PDE7B: variants seen among roughly 807,000 people sequenced by gnomAD.
The protein encoded by PDE7B is 3',5'-cyclic-AMP phosphodiesterase 7B.
In PDE7B, 29 loss-of-function variants were observed where a neutral mutation model predicts 56.2. The ratio of observed to expected loss-of-function variants is 0.52; its 90% CI spans 0.38 to 0.70. The LOEUF (loss-of-function observed/expected upper bound fraction) is 0.70. Ranked by LOEUF, PDE7B falls within the 30% of genes least tolerant of loss-of-function variation. PDE7B has a pLI of 0.00. For synonymous variants in PDE7B, 197 were observed against 196.9 expected, an observed-to-expected ratio of 1.00 and a Z score of 0.00; for missense variants, 490 against 565.0, an observed-to-expected ratio of 0.87 and a Z score of 1.35.
At chr6:135,898,327 G>A (rs1230333071) in intron 1 of PDE7B, among the ~76,000 whole-genome samples, 2 of 152,034 alleles carry the variant, frequency 1.3e-5, no homozygotes, top group Non-Finnish European at 2.9e-5. Context: ...ATACATGTTT[G>A]GTCACCTAAC....
At chr6:136,189,026 GACA>G (rs1180516189) in intron 12 of PDE7B, among the ~76,000 whole-genome samples, 1 of 152,100 alleles carries the variant, frequency 6.6e-6, no homozygotes, top group Non-Finnish European at 1.5e-5. Flanking sequence ...TAGCCCCCAA[GACA>G]ACAATTTTTC....
At chr6:135,963,867 G>T (rs1196168912) in intron 2 of PDE7B, among the ~76,000 whole-genome samples, 1 of 152,026 alleles carries the variant, frequency 6.6e-6, no homozygotes, top group Non-Finnish European at 1.5e-5. Flanking sequence ...TCTAAAAGGG[G>T]ATAAAAAGAA....
At chr6:136,042,817 A>G (rs1242299462) in intron 2 of PDE7B, among the ~76,000 whole-genome samples, 1 of 152,238 alleles carries the variant, frequency 6.6e-6, no homozygotes, top group Non-Finnish European at 1.5e-5. Flanking sequence ...ATCAAGAAGC[A>G]TTTATGGGAT....
rs150009154 is a variant in PDE7B at position 135,987,949 on chromosome 6, A to G, written c.82+40425A>G. ...GAATTTAGGTGGGGCAAAGGGAGAC[A>G]AAAATATTCAGTTCCTAATACATGC... On this transcript the variant is annotated intron_variant, in intron 2 of 12. Coordinates refer to ENST00000308191, the MANE Select transcript of PDE7B (RefSeq NM_018945.4). 9.5e-3 allele frequency among the ~76,000 whole-genome samples: 1,447 copies of G among 152,288 alleles called. 53 individuals carry two copies. The highest frequency in any genetic ancestry group is 0.066 in the Admixed American group (1,013 of 15,284).
At chr6:135,852,912 G>C (rs1774964173) in intron 1 of PDE7B, among the ~76,000 whole-genome samples, 1 of 152,150 alleles carries the variant, frequency 6.6e-6, no homozygotes. Context: ...ACAGGCATAG[G>C]CATTCATATA....
At chr6:136,100,531 A>G (rs1391275833) in intron 2 of PDE7B, among the ~76,000 whole-genome samples, 1 of 152,126 alleles carries the variant, frequency 6.6e-6, no homozygotes, top group East Asian at 1.9e-4. Flanking sequence ...TTCTCTTTGT[A>G]GTAATTGTGA....
chr6:136,186,375 C>T (rs1324787103), intron 11 of PDE7B, among the ~76,000 whole-genome samples: 1 of 152,072 alleles, frequency 6.6e-6, no homozygotes, highest in African/African-American at 2.4e-5. Flanking sequence ...CTGCAGTGAG[C>T]CAAGATCATG....
chr6:136,132,244 A>G (rs1778130710), intron 3 of PDE7B, among the ~76,000 whole-genome samples: 1 of 152,048 alleles, frequency 6.6e-6, no homozygotes, highest in African/African-American at 2.4e-5. Context: ...TTCTGCATCT[A>G]TGAGTTTGGC....
intron 1 of PDE7B, among the ~76,000 whole-genome samples, chr6:135,862,730 G>A (rs1452306077): frequency 6.6e-6 from 1 of 151,558 alleles, no homozygotes; most frequent in Non-Finnish European, 1.5e-5. Flanking sequence ...TTCATTGTCA[G>A]TTTTAGTAAT....
At chr6:136,056,551 A>ATTTTTT (rs1776738283) in intron 2 of PDE7B, among the ~76,000 whole-genome samples, 1 of 28,784 alleles carries the variant, frequency 3.5e-5, no homozygotes, top group African/African-American at 1.7e-4. Context: ...TTTTTTTTTG[A>ATTTTTT]CAAGAGTTTT....
At chr6:136,135,044 T>A (rs1049146127) in intron 3 of PDE7B, among the ~76,000 whole-genome samples, 1 of 152,064 alleles carries the variant, frequency 6.6e-6, no homozygotes, top group Non-Finnish European at 1.5e-5. Flanking sequence ...TTCCTCCCCC[T>A]GCTCCTCCCA....
At chr6:136,050,461 A>G (rs1448773841) in intron 2 of PDE7B, among the ~76,000 whole-genome samples, 1 of 152,134 alleles carries the variant, frequency 6.6e-6, no homozygotes, top group East Asian at 1.9e-4. Flanking sequence ...TTGTGAATTA[A>G]CAAAGTTATA....
chr6:135,896,068 A>G (rs74557419), intron 1 of PDE7B, among the ~76,000 whole-genome samples: 12 of 152,160 alleles, frequency 7.9e-5, no homozygotes, highest in African/African-American at 2.4e-4. Flanking sequence ...TGCAAACTCA[A>G]TGCTATTTAC....
intron 9 of PDE7B, among the ~76,000 whole-genome samples, 182 bp from the exon 10 acceptor site, chr6:136,178,815 C>A (rs1423077652): frequency 2.0e-5 from 3 of 152,156 alleles, no homozygotes; most frequent in Non-Finnish European, 4.4e-5. Context: ...GCTTCCTGTC[C>A]AAGGACGCAA....
At chr6:136,061,431 G>T (rs184899018) in intron 2 of PDE7B, among the ~76,000 whole-genome samples, 2 of 152,242 alleles carry the variant, frequency 1.3e-5, no homozygotes, top group South Asian at 2.1e-4. Context: ...AAGGAGATTT[G>T]TTGTGGGTGA....
chr6:136,043,575 C>CAAAAA lies in PDE7B; in HGVS notation c.83-65140_83-65136dup, dbSNP rs34337621. ...TTGTCGGGATTAAATGACATAATAG[C>CAAAAA]AAAAAAAAAAAAAAAAAAAAGTGCC... On this transcript the variant is annotated intron_variant, in intron 2 of 12. Coordinates refer to ENST00000308191, the MANE Select transcript of PDE7B (RefSeq NM_018945.4). 1.2e-3 allele frequency among the ~76,000 whole-genome samples: 127 copies of CAAAAA among 106,834 alleles called. 2 individuals carry two copies. Among genetic ancestry groups the CAAAAA allele is most frequent in the African/African-American group, 3.9e-3 (104 of 26,846 alleles). The allele number at this position is 106,834 out of a possible 152,430, so 70.1% of individuals were successfully genotyped here. A position where few individuals can be genotyped will look rare whatever the true frequency, so the allele number is the denominator to read the frequency against.
chr6:135,940,577 G>A (rs1343729577), intron 1 of PDE7B, among the ~76,000 whole-genome samples: 4 of 152,166 alleles, frequency 2.6e-5, no homozygotes, highest in South Asian at 2.1e-4. Flanking sequence ...ATCTTTTTAT[G>A]CTCTACAGAC....
At chr6:135,885,413 G>A (rs372492546) in intron 1 of PDE7B, among the ~76,000 whole-genome samples, 3 of 151,406 alleles carry the variant, frequency 2.0e-5, no homozygotes, top group South Asian at 2.1e-4. Context: ...GTGATCTCTC[G>A]GGCATCATCA....
chr6:136,037,317 T>G (rs949135556), intron 2 of PDE7B: 1 of 644,426 alleles, frequency 1.6e-6, no homozygotes, highest in African/African-American at 2.0e-5. Context: ...ATTCGCATCT[T>G]TCGGAGTTAA....
Sources: allele counts gnomAD v4.1 joint callset (sites outside exome capture counted in the v4.1 genomes callset), GRCh38; gene constraint gnomAD v4.1.1; transcripts MANE v1.5; gene names NCBI Gene and HGNC (gene_info 2026-07-23, HGNC 2026-07-21).